Variants in P4HA2 observed in about 807,000 individuals in gnomAD.
P4HA2 encodes the protein prolyl 4-hydroxylase subunit alpha-2.
Under a neutral mutation model 76.9 loss-of-function variants are expected in P4HA2, and 46 were observed. The ratio of observed to expected loss-of-function variants is 0.60; its 90% CI spans 0.47 to 0.76. The LOEUF (loss-of-function observed/expected upper bound fraction) is 0.76, where lower values mean the gene tolerates loss of function less well. P4HA2 is among the 30% of genes least tolerant of loss of function. The probability of loss-of-function intolerance (pLI) is 0.00; values close to 1 mark genes in which losing one functional copy is unlikely to be tolerated. For missense variants in P4HA2, 583 were observed against 669.4 expected (o/e 0.87, Z 1.42); for synonymous variants, 243 against 254.0 (o/e 0.96, Z 0.41).
chr5:132,218,001 G>C (rs1210626768), intron 2 of P4HA2, 153 bp from the exon 3 acceptor site: 14 of 560,188 alleles, frequency 2.5e-5, no homozygotes, highest in Non-Finnish European at 4.5e-5. Flanking sequence ...GTTAAAGGGG[G>C]CCTAGGCACT....
intron 6 of P4HA2, among the ~76,000 whole-genome samples, chr5:132,210,017 A>G (rs1752848017): frequency 1.3e-5 from 2 of 152,228 alleles, no homozygotes; most frequent in African/African-American, 4.8e-5. Flanking sequence ...CAGATACACC[A>G]TAACAGAGTC....
In P4HA2 at chr5:132,217,327, G is replaced by A; in HGVS notation, c.201C>T (p.Ala67=). The change falls in exon 4 of 15, where the codon GCC becomes GCT. Residue 67 remains alanine (A), a synonymous_variant. Transcript: ENST00000360568. Reference sequence around the variant, plus strand: ...CATCAGCAGCTGACTTGCTAGTCAAGGCTTCCATTTTGTTGGCCCAGCTGT... The same window carrying A: ...CATCAGCAGCTGACTTGCTAGTCAAAGCTTCCATTTTGTTGGCCCAGCTGT... The part of the protein sequence containing the change: ...KIKSWANKME[A]LTSKSAADAE... 1 of 1,614,208 alleles carries A rather than the reference G, an allele frequency of 6.2e-7. No individual in the cohort carries two copies. The highest frequency in any genetic ancestry group is 1.3e-5 in the African/African-American group (1 of 75,070).
chr5:132,215,850 T>TAA (rs539378974), intron 4 of P4HA2, among the ~76,000 whole-genome samples: 7 of 81,910 alleles, frequency 8.5e-5, no homozygotes, highest in South Asian at 5.7e-4. Context: ...CCTGTCCCTT[T>TAA]AAAAAAAAAA....
chr5:132,225,666 G>A (rs1422178705), intron 1 of P4HA2, among the ~76,000 whole-genome samples: 1 of 152,192 alleles, frequency 6.6e-6, no homozygotes, highest in African/African-American at 2.4e-5. Context: ...TCTAGCCCCA[G>A]GCACGCTCCA....
intron 14 of P4HA2, among the ~76,000 whole-genome samples, 155 bp downstream of exon 14, chr5:132,194,771 C>G (rs1341321618): frequency 6.6e-6 from 1 of 152,184 alleles, no homozygotes; most frequent in African/African-American, 2.4e-5. Flanking sequence ...ATGGACATTA[C>G]ATGGCTGGAT....
chr5:132,220,845 CCT>C (rs1754563076), intron 1 of P4HA2, among the ~76,000 whole-genome samples: 1 of 152,160 alleles, frequency 6.6e-6, no homozygotes, highest in African/African-American at 2.4e-5. Flanking sequence ...AGATGACTTA[CCT>C]ACCAAGAGCC....
chr5:132,203,082 C>G (rs1751737889), intron 10 of P4HA2, among the ~76,000 whole-genome samples: 1 of 152,222 alleles, frequency 6.6e-6, no homozygotes, highest in Non-Finnish European at 1.5e-5. Context: ...GAACCAAATT[C>G]CCTAAACCCT....
rs1298885479 is a variant in P4HA2 at position 132,191,144 on chromosome 5, C to T, written c.*1866G>A. Among the ~76,000 whole-genome samples the T allele has an allele frequency of 1.3e-5, 2 of 152,218 alleles. No individual in the cohort carries two copies. Among genetic ancestry groups the T allele is most frequent in the Non-Finnish European group, 2.9e-5 (2 of 68,040 alleles). ...GGGATCTCTTCATAAGGGCACTAAT[C>T]CCACTCACGTGGGCTCCATGCTTAC... On this transcript the variant is annotated 3_prime_UTR_variant, in exon 15 of 15. Coordinates refer to ENST00000360568, the MANE Select transcript of P4HA2 (RefSeq NM_001017974.2).
intron 10 of P4HA2, chr5:132,202,665 G>A (rs1363970846): frequency 6.6e-6 from 1 of 152,222 alleles, no homozygotes; most frequent in Non-Finnish European, 1.5e-5. Context: ...ATACCCAAGA[G>A]GACACTTTAC....
At chr5:132,208,135 T>C (rs1031990308) in intron 7 of P4HA2, among the ~76,000 whole-genome samples, 2 of 150,658 alleles carry the variant, frequency 1.3e-5, no homozygotes, top group Non-Finnish European at 3.0e-5. Flanking sequence ...TAGACCTGTC[T>C]CTAAAAAATT....
At chr5:132,223,178 G>A (rs1192990578) in intron 1 of P4HA2, among the ~76,000 whole-genome samples, 2 of 152,220 alleles carry the variant, frequency 1.3e-5, no homozygotes, top group Non-Finnish European at 2.9e-5. Context: ...GGCTACCAAA[G>A]GGCCCTCATA....
intron 8 of P4HA2, 26 bp downstream of exon 8, chr5:132,207,682 C>A: frequency 6.2e-7 from 1 of 1,602,712 alleles, no homozygotes; most frequent in Non-Finnish European, 8.5e-7. Flanking sequence ...TTCAGTGACC[C>A]GAGAAGGACC....
rs151031654 is a variant in P4HA2 at position 132,201,034 on chromosome 5, A to G, written c.1252-2102T>C. On this transcript the variant is annotated intron_variant, in intron 10 of 14. Coordinates refer to ENST00000360568, the MANE Select transcript of P4HA2 (RefSeq NM_001017974.2). ...TCAAGTCCCCAGGCTCACGCCTTTA[A>G]TAACAAGAAACTGTACGTCAAGACC... is the stretch of plus-strand genomic sequence containing the variant. The G allele has an allele frequency of 1.6e-4, 24 of 152,400 alleles. No homozygotes were observed. The East Asian group carries it at 4.4e-3, about 28-fold the overall frequency. The allele number at this position is 152,400 out of a possible 1,614,324, so 9.4% of individuals were successfully genotyped here.
intron 5 of P4HA2, 76 bp downstream of exon 5, chr5:132,213,840 G>A: frequency 1.4e-6 from 2 of 1,449,074 alleles, no homozygotes; most frequent in Non-Finnish European, 9.5e-7. Context: ...AAGGCCACAA[G>A]TTGGTGGTGG....
At chr5:132,224,989 A>T (rs942392387) in intron 1 of P4HA2, among the ~76,000 whole-genome samples, 16 of 151,342 alleles carry the variant, frequency 1.1e-4, no homozygotes, top group African/African-American at 3.4e-4. Context: ...CAGCTGAACA[A>T]GAACTCTCTT....
At position 132,191,043 on chromosome 5, in the gene P4HA2, T is replaced by C. The variant is rs152053; in HGVS notation, c.*1967A>G. 0.21 allele frequency among the ~76,000 whole-genome samples: 31,665 copies of C among 152,072 alleles called. 3,398 individuals carry two copies. The highest frequency in any genetic ancestry group is 0.3 in the East Asian group (1,558 of 5,166). On this transcript the variant is annotated 3_prime_UTR_variant, in exon 15 of 15. Coordinates refer to ENST00000360568, the MANE Select transcript of P4HA2 (RefSeq NM_001017974.2). The stretch of plus-strand genomic sequence containing the variant: ...AGTCCGAGATCAAGATGCTAGTAGG[T>C]TTGTTTCTGGTAAGGGCCCCCTGGT...
chr5:132,225,767 G>C (rs934910531), intron 1 of P4HA2, among the ~76,000 whole-genome samples: 3 of 152,216 alleles, frequency 2.0e-5, no homozygotes, highest in Admixed American at 6.5e-5. Context: ...GCACTGTCTA[G>C]AGTACCCCAA....
At chr5:132,215,855 A>C (rs1355813846) in intron 4 of P4HA2, among the ~76,000 whole-genome samples, 9 of 85,966 alleles carry the variant, frequency 1.0e-4, no homozygotes, top group African/African-American at 4.6e-4. Flanking sequence ...CCCTTTAAAA[A>C]AAAAAAAAAA....
intron 1 of P4HA2, among the ~76,000 whole-genome samples, chr5:132,218,911 C>T (rs1754278888): frequency 6.6e-6 from 1 of 152,208 alleles, no homozygotes; most frequent in Non-Finnish European, 1.5e-5. Context: ...CCACCTGTAC[C>T]ATGAGAAGGC....
Sources: allele counts gnomAD v4.1 joint callset (sites outside exome capture counted in the v4.1 genomes callset), GRCh38; gene constraint gnomAD v4.1.1; transcripts MANE v1.5; gene names NCBI Gene and HGNC (gene_info 2026-07-23, HGNC 2026-07-21).